SPIN2A: variants seen among roughly 807,000 people sequenced by gnomAD.
SPIN2A encodes spindlin family member 2A.
In SPIN2A, 4 loss-of-function variants were observed where a neutral mutation model predicts 9.2. The ratio of observed to expected loss-of-function variants is 0.44; its 90% CI spans 0.21 to 1.00. The LOEUF (loss-of-function observed/expected upper bound fraction) is 1.00. Among genes scored for constraint, SPIN2A ranks in the 50% least tolerant of loss-of-function variants. The pLI is 0.26. For missense variants in SPIN2A, 77 were observed against 172.8 expected, an observed-to-expected ratio of 0.45 and a Z score of 3.11; for synonymous variants, 25 against 61.2, an observed-to-expected ratio of 0.41 and a Z score of 2.76.
chrX:57,140,044 A>G (rs1281633860), upstream of SPIN2A, among the ~76,000 whole-genome samples: 1 of 111,778 alleles, frequency 8.9e-6, no homozygotes, highest in Non-Finnish European at 1.9e-5. Flanking sequence ...TCAATGTTTT[A>G]TAATTTTTAT....
chrX:57,139,775 T>G (rs1286625295), upstream of SPIN2A, among the ~76,000 whole-genome samples: 1 of 111,863 alleles, frequency 8.9e-6, no homozygotes, highest in East Asian at 2.8e-4. Context: ...TAGTATAATT[T>G]GAAGTCAGGT....
upstream of SPIN2A, among the ~76,000 whole-genome samples, chrX:57,140,417 C>CAAAAAAAAAA (rs60570721): frequency 1.5e-5 from 1 of 64,822 alleles, no homozygotes; most frequent in African/African-American, 6.6e-5. Context: ...CCATCTCTAC[C>CAAAAAAAAAA]AAAAAAAAAA....
chrX:57,141,223 T>C (rs1202186279), upstream of SPIN2A, among the ~76,000 whole-genome samples: 1 of 112,476 alleles, frequency 8.9e-6, no homozygotes, highest in Non-Finnish European at 1.9e-5. Flanking sequence ...ATTCTATTTA[T>C]GTGATATATC....
chrX:57,137,243 G>C lies in SPIN2A; in HGVS notation c.-6+17C>G. The C allele has an allele frequency of 1.3e-6, 1 of 761,094 alleles. No individual in the cohort carries two copies. Among genetic ancestry groups the C allele is most frequent in the Non-Finnish European group, 1.6e-6 (1 of 642,706 alleles). The allele number at this position is 761,094 out of a possible 1,213,427, so 62.7% of individuals were successfully genotyped here. ...CACCGCCGGGGATCGCGGGCCTCAC[G>C]TGCCGAAATCGGATACCTCGATGCT... On this transcript the variant is annotated intron_variant, in intron 1 of 1. Transcript: ENST00000374906.
the SPIN2A span, among the ~76,000 whole-genome samples, chrX:57,145,635 G>A: frequency 8.9e-6 from 1 of 111,900 alleles, no homozygotes; most frequent in South Asian, 3.7e-4. Context: ...CTTTGCCTAA[G>A]CCAATGTCTA....
chrX:57,135,512 G>A, downstream of SPIN2A: 2 of 332,346 alleles, frequency 6.0e-6, no homozygotes, highest in Non-Finnish European at 5.1e-6. Context: ...TAAATCCAGT[G>A]CCATTTTTAA....
upstream of SPIN2A, among the ~76,000 whole-genome samples, chrX:57,140,576 G>A (rs1300377616): frequency 1.1e-4 from 10 of 94,487 alleles, no homozygotes; most frequent in Non-Finnish European, 1.6e-4. Flanking sequence ...TCCAGCCTGG[G>A]CAACAGAGCG....
the SPIN2A span, among the ~76,000 whole-genome samples, chrX:57,144,794 A>C: frequency 9.1e-6 from 1 of 110,224 alleles, no homozygotes; most frequent in Non-Finnish European, 1.9e-5. Flanking sequence ...TTCCCGAGTT[A>C]CTTCACTTAG....
In SPIN2A at chrX:57,137,323, CTGCTT is replaced by C; in HGVS notation, c.-74_-70del. On this transcript the variant is annotated 5_prime_UTR_variant, in exon 1 of 2. Transcript: ENST00000374906. Reference sequence around the variant, plus strand: ...GGTCAACAGGCGACTCGCTGAGTGACTGCTTGCAAGAGCGGGGAGGGTAGGATCCA... The same window carrying C: ...GGTCAACAGGCGACTCGCTGAGTGACGCAAGAGCGGGGAGGGTAGGATCCA... 1 of 759,022 alleles carries C rather than the reference CTGCTT, an allele frequency of 1.3e-6. No individual in the cohort carries two copies. Among genetic ancestry groups the C allele is most frequent in the Non-Finnish European group, 1.6e-6 (1 of 641,728 alleles). 62.6% of individuals were successfully genotyped at this position (759,022 alleles called of 1,213,427 possible).
At chrX:57,134,341 G>C (rs1269249925), downstream of SPIN2A, among the ~76,000 whole-genome samples, 2 of 111,878 alleles carry the variant, frequency 1.8e-5, no homozygotes, top group East Asian at 5.6e-4. Context: ...GTCTCTGTGA[G>C]CTGGGGTAGG....
upstream of SPIN2A, among the ~76,000 whole-genome samples, chrX:57,140,088 T>C (rs1225706842): frequency 9.0e-6 from 1 of 111,721 alleles, no homozygotes; most frequent in Non-Finnish European, 1.9e-5. Flanking sequence ...GTTTAGTTTA[T>C]TTCTAGGTAT....
intron 1 of SPIN2A, 66 bp from the exon 2 acceptor site, chrX:57,136,668 C>T (rs1275948593): frequency 3.2e-6 from 1 of 310,182 alleles, no homozygotes; most frequent in African/African-American, 3.9e-5. Flanking sequence ...TCCCTATAGC[C>T]ATGTCTGGAT....
upstream of SPIN2A, among the ~76,000 whole-genome samples, chrX:57,141,167 A>AT (rs1429555471): frequency 2.6e-4 from 29 of 110,591 alleles, no homozygotes; most frequent in African/African-American, 8.2e-4. Flanking sequence ...ATTTCATTGA[A>AT]TTTTTTTTGG....
the SPIN2A span, among the ~76,000 whole-genome samples, chrX:57,143,673 T>C: frequency 1.8e-5 from 2 of 110,621 alleles, no homozygotes; most frequent in African/African-American, 3.3e-5. Flanking sequence ...ACAGGGGGTT[T>C]CTCCATGTTG....
At position 57,137,248 on chromosome X, in the gene SPIN2A, G is replaced by C. The variant is rs192199444; in HGVS notation, c.-6+12C>G. 2,194 of 760,136 alleles carry C rather than the reference G, an allele frequency of 2.9e-3. 2 individuals are homozygous for C. Among genetic ancestry groups the C allele is most frequent in the African/African-American group, 8.7e-3 (379 of 43,553 alleles). The allele number at this position is 760,136 out of a possible 1,213,427, so 62.6% of individuals were successfully genotyped here. A position where few individuals can be genotyped will look rare whatever the true frequency, so the allele number is the denominator to read the frequency against. ...CCGGGGATCGCGGGCCTCACGTGCC[G>C]AAATCGGATACCTCGATGCTGCCTC... On this transcript the variant is annotated intron_variant, in intron 1 of 1. Transcript: ENST00000374906.
chrX:57,141,968 C>G (rs5914055), upstream of SPIN2A, among the ~76,000 whole-genome samples: 4 of 110,146 alleles, frequency 3.6e-5, no homozygotes, highest in East Asian at 1.2e-3. Context: ...ACACCCCGGT[C>G]TAATTTTTCA....
At chrX:57,139,328 T>A (rs1927933328), upstream of SPIN2A, among the ~76,000 whole-genome samples, 1 of 112,464 alleles carries the variant, frequency 8.9e-6, no homozygotes, top group Admixed American at 9.4e-5. Flanking sequence ...TTCTATAGTG[T>A]GTGTTCTTGG....
chrX:57,144,124 T>C, the SPIN2A span, among the ~76,000 whole-genome samples: 17 of 112,196 alleles, frequency 1.5e-4, no homozygotes, highest in African/African-American at 5.2e-4. Flanking sequence ...GCACTTTCAA[T>C]ATGTCATCCT....
At chrX:57,145,313 G>A in the SPIN2A span, among the ~76,000 whole-genome samples, 27 of 110,933 alleles carry the variant, frequency 2.4e-4, no homozygotes, top group Admixed American at 2.1e-3. Flanking sequence ...GATCATTGGT[G>A]ATGTTGATCA....
Sources: gnomAD v4.1 joint callset for allele counts (sites outside exome capture counted in the v4.1 genomes callset) on GRCh38, gnomAD v4.1.1 for gene constraint, MANE v1.5 for transcripts, NCBI Gene and HGNC (gene_info 2026-07-23, HGNC 2026-07-21) for gene names.